SALL3: variants seen among roughly 807,000 people sequenced by gnomAD.
SALL3 encodes the protein spalt like transcription factor 3.
SALL3 carries 25 observed loss-of-function variants against 66.2 expected under a neutral mutation model. That is an observed-to-expected ratio of 0.38 (90% CI 0.28 to 0.53). The LOEUF (loss-of-function observed/expected upper bound fraction) is 0.53, where lower values mean the gene tolerates loss of function less well. Among genes scored for constraint, SALL3 ranks in the 20% least tolerant of loss-of-function variants. The pLI is 0.85. For missense variants in SALL3, 2,194 were observed against 1,916.5 expected, an observed-to-expected ratio of 1.14 and a Z score of -2.70; for synonymous variants, 1,152 against 899.1, an observed-to-expected ratio of 1.28 and a Z score of -5.03.
In SALL3 at chr18:78,997,264, C is replaced by T. The variant is rs1914729649; in HGVS notation, c.3845C>T (p.Ala1282Val). ...VSLDKASSET[A>V]ASRPFTRFIE... The stretch of plus-strand genomic sequence containing the variant: ...TTGGACAAAGCGAGCTCAGAAACAG[C>T]AGCCAGCCGCCCATTCACGCGGTTT... Residue 1282 changes from alanine to valine, a missense_variant, in exon 3 of 3, where the codon GCA becomes GTA. Transcript: ENST00000537592. The T allele has an allele frequency of 1.9e-6, 3 of 1,614,014 alleles. No individual in the cohort carries two copies. Among genetic ancestry groups the T allele is most frequent in the South Asian group, 1.1e-5 (1 of 91,084 alleles).
chr18:78,993,306 C>T lies in SALL3; in HGVS notation c.1315C>T (p.Leu439=). 1 of 1,612,062 alleles carries T rather than the reference C, an allele frequency of 6.2e-7. No homozygotes were observed. The highest frequency in any genetic ancestry group is 8.5e-7 in the Non-Finnish European group (1 of 1,179,840). Residue 439 remains leucine (L), a synonymous_variant, in exon 2 of 3, where the codon CTG becomes TTG. Coordinates refer to ENST00000537592, the MANE Select transcript of SALL3 (RefSeq NM_171999.4). ...CAGCGACAGCGCGCTCCAGATCCAC[C>T]TGCGCTCGCACACAGGCGAGCGGCC... ...FGSDSALQIH[L]RSHTGERPFK...
At chr18:78,995,754 C>T (rs1914671987) in intron 2 of SALL3, among the ~76,000 whole-genome samples, 1 of 151,862 alleles carries the variant, frequency 6.6e-6, no homozygotes, top group Non-Finnish European at 1.5e-5. Context: ...GTAATGTATC[C>T]ATATATTTAT....
rs1426764772 is a variant in SALL3 at position 78,992,084 on chromosome 18, G to A, written c.93G>A (p.Gly31=). The A allele has an allele frequency of 4.0e-6, 6 of 1,518,892 alleles. No homozygotes were observed. Among genetic ancestry groups the A allele is most frequent in the South Asian group, 3.8e-5 (3 of 79,140 alleles). The allele number at this position is 1,518,892 out of a possible 1,614,324, so 94.1% of individuals were successfully genotyped here. A position where few individuals can be genotyped will look rare whatever the true frequency, so the allele number is the denominator to read the frequency against. The change falls in exon 2 of 3, where the codon GGG becomes GGA. Residue 31 remains glycine (G), a synonymous_variant. Transcript: ENST00000537592. Reference sequence around the variant, plus strand: ...CTCTTGGTCTTGCAGCCGCCCCGGGGGAAGGTGCGGAGGACGCAGACAGCG... The same window carrying A: ...CTCTTGGTCTTGCAGCCGCCCCGGGAGAAGGTGCGGAGGACGCAGACAGCG... ...PDGAPEHAAP[G]EGAEDADSGP...
In SALL3 at chr18:78,994,918, G is replaced by C; in HGVS notation, c.2927G>C (p.Ser976Thr). The C allele has an allele frequency of 6.2e-7, 1 of 1,613,470 alleles. No homozygotes were observed. Among genetic ancestry groups the C allele is most frequent in the Non-Finnish European group, 8.5e-7 (1 of 1,179,968 alleles). Residue 976 changes from serine to threonine, a missense_variant, in exon 2 of 3, where the codon AGC becomes ACC. By Grantham distance (58) the Ser-to-Thr change is moderately conservative. Transcript: ENST00000537592. ...AGCAGGGAGCGGGGTAAGTGTCCCA[G>C]CACTGTGTGTGGTGTCTGTGGCAAG... ...FLSRERGKCP[S>T]TVCGVCGKPF...
Position 78,993,717 on chromosome 18 carries a change from G to C in SALL3, c.1726G>C (p.Gly576Arg). Reference sequence around the variant, plus strand: ...CCCAGGCCTCAACCACGTGGAGTCCGGCGTGTCGGCCACCGCCGAGTCCCC... The same window carrying C: ...CCCAGGCCTCAACCACGTGGAGTCCCGCGTGTCGGCCACCGCCGAGTCCCC... The part of the protein sequence containing the change: ...LSPGLNHVES[G>R]VSATAESPQS... The change falls in exon 2 of 3, where the codon GGC becomes CGC. Residue 576 changes from glycine to arginine, a missense_variant. Gly to Arg is a moderately radical substitution (Grantham distance 125, BLOSUM62 -2). Coordinates refer to ENST00000537592, the MANE Select transcript of SALL3 (RefSeq NM_171999.4). The C allele has an allele frequency of 6.4e-7, 1 of 1,555,790 alleles. No individual in the cohort carries two copies. Among genetic ancestry groups the C allele is most frequent in the Non-Finnish European group, 8.6e-7 (1 of 1,159,556 alleles).
In SALL3 at chr18:78,992,334, G is replaced by A; in HGVS notation, c.343G>A (p.Ala115Thr). The A allele has an allele frequency of 7.0e-7, 1 of 1,431,180 alleles. No homozygotes were observed. Among genetic ancestry groups the A allele is most frequent in the Non-Finnish European group, 9.1e-7 (1 of 1,100,306 alleles). The allele number at this position is 1,431,180 out of a possible 1,614,324, so 88.7% of individuals were successfully genotyped here. A position where few individuals can be genotyped will look rare whatever the true frequency, so the allele number is the denominator to read the frequency against. Residue 115 changes from alanine (A) to threonine (T), a missense_variant, in exon 2 of 3, where the codon GCG (alanine) becomes ACG (threonine). By Grantham distance (58) the Ala-to-Thr change is moderately conservative (BLOSUM62 0). Coordinates refer to ENST00000537592, the MANE Select transcript of SALL3 (RefSeq NM_171999.4). ...CGCCGAAAGCGAGGCGGCCGAGGAG[G>A]CGGGTGCGGAGGGCGCGGAGGGCGA... is the stretch of plus-strand genomic sequence containing the variant. ...ERAESEAAEE[A>T]GAEGAEGEAR...
intron 1 of SALL3, among the ~76,000 whole-genome samples, chr18:78,985,456 A>T (rs1412245238): frequency 3.9e-5 from 6 of 152,146 alleles, no homozygotes; most frequent in African/African-American, 1.4e-4. Flanking sequence ...AGTGACCTTC[A>T]CCGCACTGTT....
chr18:78,993,223 C>T lies in SALL3; in HGVS notation c.1232C>T (p.Ala411Val), dbSNP rs79214433. 1 of 1,611,172 alleles carries T rather than the reference C, an allele frequency of 6.2e-7. No homozygotes were observed. The highest frequency in any genetic ancestry group is 1.7e-5 in the Admixed American group (1 of 59,960). ...PPNVSVFEPKASAEDPFFKHK... is the reference protein window; with the variant it reads ...PPNVSVFEPKVSAEDPFFKHK... ...AATGTGTCGGTGTTCGAGCCCAAAGCCAGCGCCGAGGACCCGTTCTTCAAG... is the reference window on the plus strand; with the variant it reads ...AATGTGTCGGTGTTCGAGCCCAAAGTCAGCGCCGAGGACCCGTTCTTCAAG... Residue 411 changes from alanine to valine, a missense_variant, in exon 2 of 3, where the codon GCC (alanine) becomes GTC (valine). Ala to Val is a moderately conservative substitution (Grantham distance 64). Transcript: ENST00000537592.
chr18:78,994,273 A>C lies in SALL3; in HGVS notation c.2282A>C (p.His761Pro), dbSNP rs758161254. The C allele has an allele frequency of 6.2e-7, 1 of 1,613,688 alleles. No homozygotes were observed. Among genetic ancestry groups the C allele is most frequent in the African/African-American group, 1.3e-5 (1 of 74,946 alleles). ...GTCCTGCAGCAGCACATCCGCATGC[A>C]CATGGGCGGCCAGATCCCCAACACG... Reference protein sequence around the residue: ...AVVLQQHIRMHMGGQIPNTPL... With the variant: ...AVVLQQHIRMPMGGQIPNTPL... Residue 761 changes from histidine to proline, a missense_variant, in exon 2 of 3, where the codon CAC becomes CCC. By Grantham distance (77) the His-to-Pro change is moderately conservative. Coordinates refer to ENST00000537592, the MANE Select transcript of SALL3 (RefSeq NM_171999.4).
chr18:78,980,488 C>G, intron 1 of SALL3, 132 bp downstream of exon 1: 1 of 479,282 alleles, frequency 2.1e-6, no homozygotes, highest in Middle Eastern at 7.3e-4. Flanking sequence ...GGGCAAGCGT[C>G]CGCCCCGCGC....
rs1197649664 is a variant in SALL3, at chr18:78,993,417, C to T, written c.1426C>T (p.His476Tyr). ...CCAGAGGCACAAGGAGAAGTACCCC[C>T]ACATCCAGATGAACCCTTACCCGGT... ...HFQRHKEKYP[H>Y]IQMNPYPVPE... The change falls in exon 2 of 3, where the codon CAC becomes TAC. Residue 476 changes from histidine to tyrosine, a missense_variant. Coordinates refer to ENST00000537592, the MANE Select transcript of SALL3 (RefSeq NM_171999.4). 4.3e-6 allele frequency: 7 copies of T among 1,612,990 alleles called. No individual in the cohort carries two copies. The highest frequency in any genetic ancestry group is 2.2e-5 in the South Asian group (2 of 91,078).
intron 2 of SALL3, 27 bp downstream of exon 2, chr18:78,995,489 G>T (rs766978689): frequency 1.3e-6 from 2 of 1,507,182 alleles, no homozygotes; most frequent in Non-Finnish European, 1.8e-6. Flanking sequence ...CTCCAGCCCC[G>T]GCTGCGGTGC....
intron 1 of SALL3, chr18:78,991,733 C>G: frequency 3.4e-6 from 1 of 290,162 alleles, no homozygotes; most frequent in Non-Finnish European, 6.3e-6. Context: ...ATGAGGAAGC[C>G]GGATGGTAAA....
chr18:78,993,680 C>T lies in SALL3; in HGVS notation c.1689C>T (p.Cys563=), dbSNP rs755728683. The part of the protein sequence containing the change: ...PQRPSPASSE[C]ASLSPGLNHV... ...GGCCCTCGCCCGCCTCCAGCGAGTG[C>T]GCCTCCTTGTCCCCAGGCCTCAACC... The change falls in exon 2 of 3, where the codon TGC becomes TGT. Residue 563 remains cysteine, a synonymous_variant. Transcript: ENST00000537592. The T allele has an allele frequency of 8.8e-6, 14 of 1,585,090 alleles. No homozygotes were observed. The Middle Eastern group carries it at 6.7e-4, about 75-fold the overall frequency.
intron 1 of SALL3, among the ~76,000 whole-genome samples, chr18:78,985,590 A>G (rs1174758168): frequency 6.6e-6 from 1 of 152,208 alleles, no homozygotes; most frequent in African/African-American, 2.4e-5. Flanking sequence ...TGAAAGTGCC[A>G]TGAAGTGCTG....
rs758917162 is a variant in SALL3, at chr18:78,992,289, G to C, written c.298G>C (p.Ala100Pro). 6.5e-7 allele frequency: 1 copy of C among 1,538,710 alleles called. No individual in the cohort carries two copies. ...PPEDFPEPSP[A>P]SSPSERAESE... The stretch of plus-strand genomic sequence containing the variant: ...CGAGGACTTCCCCGAGCCTTCGCCC[G>C]CCAGCTCCCCCAGCGAGCGCGCCGA... Residue 100 changes from alanine (A) to proline (P), a missense_variant, in exon 2 of 3, where the codon GCC becomes CCC. By Grantham distance (27) the Ala-to-Pro change is conservative. Coordinates refer to ENST00000537592, the MANE Select transcript of SALL3 (RefSeq NM_171999.4).
chr18:78,997,257 G>T lies in SALL3; in HGVS notation c.3838G>T (p.Glu1280Ter). ...CGTCAGCTTGGACAAAGCGAGCTCA[G>T]AAACAGCAGCCAGCCGCCCATTCAC... Reference protein sequence around the residue: ...PIVSLDKASSETAASRPFTRF... With the variant: ...PIVSLDKASS Residue 1280 changes from glutamate to a stop codon, truncating the protein, a stop_gained, in exon 3 of 3, where the codon GAA becomes TAA. Coordinates refer to ENST00000537592, the MANE Select transcript of SALL3 (RefSeq NM_171999.4). LOFTEE classifies it high-confidence loss of function. 6.2e-7 allele frequency: 1 copy of T among 1,614,020 alleles called. No homozygotes were observed. The highest frequency in any genetic ancestry group is 8.5e-7 in the Non-Finnish European group (1 of 1,180,044).
intron 1 of SALL3, among the ~76,000 whole-genome samples, chr18:78,986,946 C>T (rs1044970049): frequency 1.3e-5 from 2 of 151,952 alleles, no homozygotes; most frequent in Admixed American, 6.6e-5. Context: ...AAAGCATCGT[C>T]TTAAATATTA....
At position 78,997,408 on chromosome 18, in the gene SALL3, T is replaced by C; in HGVS notation, c.*86T>C. ...CCGACCTTTCTTGCCTCGGTTCTCA[T>C]TACACTTTCACCCATAGCAGAAAAC... On this transcript the variant is annotated 3_prime_UTR_variant, in exon 3 of 3. Transcript: ENST00000537592. 1 of 1,362,886 alleles carries C rather than the reference T, an allele frequency of 7.3e-7. No individual in the cohort carries two copies. Among genetic ancestry groups the C allele is most frequent in the Non-Finnish European group, 1.0e-6 (1 of 976,182 alleles). The allele number at this position is 1,362,886 out of a possible 1,614,324, so 84.4% of individuals were successfully genotyped here. A position where few individuals can be genotyped will look rare whatever the true frequency, so the allele number is the denominator to read the frequency against.
Sources: gnomAD v4.1 joint callset for allele counts (sites outside exome capture counted in the v4.1 genomes callset) on GRCh38, gnomAD v4.1.1 for gene constraint, MANE v1.5 for transcripts, NCBI Gene and HGNC (gene_info 2026-07-23, HGNC 2026-07-21) for gene names.